The following CDON variants were observed in gnomAD, a reference collection of about 807,000 sequenced individuals.
CDON encodes cell adhesion molecule-related/down-regulated by oncogenes.
In CDON, 73 loss-of-function variants were observed where a neutral mutation model predicts 120.9. That is an observed-to-expected ratio of 0.60 (90% CI 0.50 to 0.73). The LOEUF is 0.73. Ranked by LOEUF, CDON falls within the 30% of genes least tolerant of loss-of-function variation. CDON has a pLI of 0.00. For missense variants in CDON, 1,470 were observed against 1,587.3 expected, an observed-to-expected ratio of 0.93 and a Z score of 1.26; for synonymous variants, 566 against 573.5, an observed-to-expected ratio of 0.99 and a Z score of 0.19.
At chr11:125,984,896 G>A (rs1946421174) in intron 15 of CDON, among the ~76,000 whole-genome samples, 1 of 152,188 alleles carries the variant, frequency 6.6e-6, no homozygotes, top group African/African-American at 2.4e-5. Flanking sequence ...ATAGTATTAA[G>A]CATTCCAAAA....
chr11:126,040,483 A>G (rs533364627), intron 1 of CDON, among the ~76,000 whole-genome samples: 6 of 152,338 alleles, frequency 3.9e-5, no homozygotes, highest in Admixed American at 2.6e-4. Flanking sequence ...TTTTACTACA[A>G]CAATTTTTAA....
chr11:126,015,436 C>G lies in CDON; in HGVS notation c.1003G>C (p.Val335Leu), dbSNP rs768030484. The G allele has an allele frequency of 1.2e-6, 2 of 1,613,992 alleles. No individual in the cohort carries two copies. The highest frequency in any genetic ancestry group is 4.5e-5 in the East Asian group (2 of 44,872). The change falls in exon 7 of 20, where the codon GTT becomes CTT. Residue 335 changes from valine (V) to leucine (L), a missense_variant. Physicochemically the swap from Val to Leu is conservative, Grantham distance 32. Coordinates refer to ENST00000531738, the MANE Select transcript of CDON (RefSeq NM_001378964.1). Reference protein sequence around the residue: ...LGATVHFTCDVHGNPAPNCTW... With the variant: ...LGATVHFTCDLHGNPAPNCTW... ...CAGTTGGGGGCTGGGTTCCCATGAA[C>G]GTCGCAGGTAAAGTGTACTGTGGCA...
intron 7 of CDON, 107 bp downstream of exon 7, chr11:126,015,134 G>T: frequency 9.3e-7 from 1 of 1,072,860 alleles, no homozygotes. Flanking sequence ...GTTCTTGTAC[G>T]GTGCTAGGGT....
chr11:125,971,239 T>G (rs536217369), intron 18 of CDON, among the ~76,000 whole-genome samples: 2 of 151,770 alleles, frequency 1.3e-5, no homozygotes, highest in African/African-American at 4.8e-5. Flanking sequence ...AAAAATTAGC[T>G]GGGTGTGGTG....
At chr11:126,058,503 T>C (rs926794832) in intron 1 of CDON, among the ~76,000 whole-genome samples, 2 of 152,234 alleles carry the variant, frequency 1.3e-5, no homozygotes, top group African/African-American at 4.8e-5. Flanking sequence ...CTTTATTTTC[T>C]GAACACACTG....
intron 18 of CDON, among the ~76,000 whole-genome samples, chr11:125,974,132 G>A (rs931373350): frequency 2.0e-5 from 3 of 151,526 alleles, no homozygotes; most frequent in Admixed American, 2.0e-4. Context: ...CTGACCTCAG[G>A]TGATCCGCCC....
At position 125,960,676 on chromosome 11, in the gene CDON, C is replaced by T. The variant is rs1945616976; in HGVS notation, c.*266G>A. 2 of 462,780 alleles carry T rather than the reference C, an allele frequency of 4.3e-6. No homozygotes were observed. The highest frequency in any genetic ancestry group is 7.9e-6 in the Non-Finnish European group (2 of 253,714). The allele number at this position is 462,780 out of a possible 1,614,324, so 28.7% of individuals were successfully genotyped here. On this transcript the variant is annotated 3_prime_UTR_variant, in exon 20 of 20. Transcript: ENST00000531738. ...GCTGTTAGAAAACATGGAAGGACCC[C>T]TCTGCCCTCCAGGTGACTGAATACT...
chr11:125,963,452 T>C (rs1591541025), intron 18 of CDON, among the ~76,000 whole-genome samples: 1 of 152,318 alleles, frequency 6.6e-6, no homozygotes, highest in East Asian at 1.9e-4. Context: ...AAGAATTATT[T>C]GGATTTGCAT....
At chr11:126,055,638 A>C (rs1006978126) in intron 1 of CDON, among the ~76,000 whole-genome samples, 84 of 152,276 alleles carry the variant, frequency 5.5e-4, no homozygotes, top group African/African-American at 1.9e-3. Context: ...AAGTTTAGAA[A>C]AGTTGCAGTG....
chr11:126,051,847 C>G (rs1454469342), intron 1 of CDON, among the ~76,000 whole-genome samples: 1 of 151,788 alleles, frequency 6.6e-6, no homozygotes, highest in Non-Finnish European at 1.5e-5. Flanking sequence ...CAGGGTTTCA[C>G]GATGTTGGCC....
intron 15 of CDON, among the ~76,000 whole-genome samples, chr11:125,989,028 C>T (rs565516791): frequency 4.6e-5 from 7 of 151,698 alleles, no homozygotes; most frequent in Non-Finnish European, 8.8e-5. Flanking sequence ...CAGTGAGATG[C>T]CGTCTCTAAA....
chr11:125,989,602 T>C, intron 15 of CDON, 35 bp downstream of exon 15: 2 of 1,600,878 alleles, frequency 1.2e-6, no homozygotes, highest in Non-Finnish European at 1.7e-6. Context: ...GTTGGAATTC[T>C]ATCACTGTCC....
At chr11:125,976,545 GA>G (rs1056447133) in intron 18 of CDON, among the ~76,000 whole-genome samples, 1,069 of 91,058 alleles carry the variant, frequency 0.012, 12 homozygotes, top group African/African-American at 0.029. Flanking sequence ...TGTCTTAAAG[GA>G]AAAAAAAACT....
At chr11:126,020,472 C>T (rs1158675664) in intron 3 of CDON, among the ~76,000 whole-genome samples, 2 of 152,184 alleles carry the variant, frequency 1.3e-5, no homozygotes, top group South Asian at 2.1e-4. Context: ...GCTCAAAGCA[C>T]TCAGCAGCCT....
Position 125,961,745 on chromosome 11 carries a change from C to A in CDON, c.3610G>T (p.Asp1204Tyr). 6.2e-7 allele frequency: 1 copy of A among 1,614,202 alleles called. No homozygotes were observed. Among genetic ancestry groups the A allele is most frequent in the Non-Finnish European group, 8.5e-7 (1 of 1,180,008 alleles). ...VNDVSSDGSEDPAEFSRGDSC... is the reference protein window; with the variant it reads ...VNDVSSDGSEYPAEFSRGDSC... ...TGACCTCTGCTGAACTCTGCTGGAT[C>A]TTCTGAGCCATCAGAGCTGACGTCA... The change falls in exon 19 of 20, where the codon GAT becomes TAT. Residue 1204 changes from aspartate to tyrosine, a missense_variant. Coordinates refer to ENST00000531738, the MANE Select transcript of CDON (RefSeq NM_001378964.1).
At chr11:125,974,629 C>T (rs3016445) in intron 18 of CDON, among the ~76,000 whole-genome samples, 31,581 of 151,768 alleles carry the variant, frequency 0.21, 3,551 homozygotes, top group Non-Finnish European at 0.25. Context: ...AATAATCAAT[C>T]TGCCAAGGAT....
intron 1 of CDON, among the ~76,000 whole-genome samples, chr11:126,026,640 A>C (rs74653705): frequency 1.0e-3 from 154 of 152,330 alleles, no homozygotes; most frequent in African/African-American, 3.5e-3. Context: ...TCAGGTTATG[A>C]ATCTGCTTTT....
intron 1 of CDON, among the ~76,000 whole-genome samples, chr11:126,055,332 G>GA (rs1488373090): frequency 2.0e-5 from 3 of 152,118 alleles, no homozygotes; most frequent in African/African-American, 7.2e-5. Context: ...CTACAGGGAG[G>GA]ATGGAATTGG....
At position 125,978,385 on chromosome 11, in the gene CDON, TG is replaced by T; in HGVS notation, c.3277-3del. On this transcript the variant is annotated splice_polypyrimidine_tract_variant and splice_region_variant and intron_variant, in intron 17 of 19. Transcript: ENST00000531738. ...CACGGCCGTGTACATTCCACCACCC[TG>T]GACAGGAAGGAGTGTCAGAGAAAAA... 1 of 1,593,508 alleles carries T rather than the reference TG, an allele frequency of 6.3e-7. No homozygotes were observed. Among genetic ancestry groups the T allele is most frequent in the Non-Finnish European group, 8.6e-7 (1 of 1,164,060 alleles).
Sources: allele counts gnomAD v4.1 joint callset (sites outside exome capture counted in the v4.1 genomes callset), GRCh38; gene constraint gnomAD v4.1.1; transcripts MANE v1.5; gene names NCBI Gene and HGNC (gene_info 2026-07-23, HGNC 2026-07-21).